CLNK: variants seen among roughly 807,000 people sequenced by gnomAD.
CLNK encodes the protein cytokine dependent hematopoietic cell linker, also known as cytokine-dependent hematopoietic cell linker.
In CLNK, 74 loss-of-function variants were observed where a neutral mutation model predicts 68.6. That is an observed-to-expected ratio of 1.08 (90% CI 0.89 to 1.31). The LOEUF (loss-of-function observed/expected upper bound fraction) is 1.31, where lower values mean the gene tolerates loss of function less well. Among genes scored for constraint, CLNK ranks in the 50% most tolerant of loss-of-function variants. CLNK has a pLI of 0.00. For missense variants in CLNK, 553 were observed against 515.3 expected (o/e 1.07, Z -0.71); for synonymous variants, 198 against 172.2 (o/e 1.15, Z -1.17).
At chr4:10,529,020 A>G (rs540064523) in intron 12 of CLNK, among the ~76,000 whole-genome samples, 33 of 152,322 alleles carry the variant, frequency 2.2e-4, no homozygotes, top group Admixed American at 6.5e-4. Context: ...TTGAAGAAGC[A>G]AAAAGCATTA....
At chr4:10,699,945 AT>A in the CLNK span, among the ~76,000 whole-genome samples, 1 of 151,514 alleles carries the variant, frequency 6.6e-6, no homozygotes, top group East Asian at 1.9e-4. Context: ...TTCCTCTAAT[AT>A]TTTTTAATCT....
At chr4:10,528,665 A>G in intron 12 of CLNK, among the ~76,000 whole-genome samples, 1 of 152,228 alleles carries the variant, frequency 6.6e-6, no homozygotes, top group Non-Finnish European at 1.5e-5. Context: ...AAAGTTTGGA[A>G]TAAAAACTGG....
the CLNK span, among the ~76,000 whole-genome samples, chr4:10,714,658 A>T: frequency 9.7e-3 from 1,472 of 151,254 alleles, 7 homozygotes; most frequent in East Asian, 0.058. Flanking sequence ...TTAATCTAAA[A>T]TATCTTAGAT....
intron 18 of CLNK, among the ~76,000 whole-genome samples, chr4:10,498,967 AC>A (rs1177985766): frequency 9.3e-4 from 126 of 135,624 alleles, no homozygotes; most frequent in African/African-American, 3.3e-3. Flanking sequence ...AATTCATTGT[AC>A]CCCCCCCCCC....
the CLNK span, among the ~76,000 whole-genome samples, chr4:10,712,515 C>T: frequency 6.6e-6 from 1 of 152,156 alleles, no homozygotes; most frequent in Non-Finnish European, 1.5e-5. Flanking sequence ...AATAACAGCC[C>T]TTTCCTGAAA....
chr4:10,599,122 T>C (rs1002280524), intron 2 of CLNK, among the ~76,000 whole-genome samples: 24 of 152,380 alleles, frequency 1.6e-4, no homozygotes, highest in South Asian at 1.2e-3. Flanking sequence ...AACTGGTAAC[T>C]TGTGTTCACA....
chr4:10,700,111 A>T, the CLNK span, among the ~76,000 whole-genome samples: 2 of 152,004 alleles, frequency 1.3e-5, no homozygotes, highest in East Asian at 3.9e-4. Context: ...GAAATCAGAG[A>T]AGAAACAGGT....
intron 2 of CLNK, among the ~76,000 whole-genome samples, chr4:10,665,313 C>T (rs1577206555): frequency 6.6e-6 from 1 of 152,160 alleles, no homozygotes; most frequent in South Asian, 2.1e-4. Context: ...TGAAAGTCCT[C>T]ATAAAAGGGG....
Position 10,660,156 on chromosome 4 carries a change from G to A in CLNK, c.11+7703C>T, listed in dbSNP as rs1724139525. On this transcript the variant is annotated intron_variant, in intron 2 of 18. Transcript: ENST00000226951. The stretch of plus-strand genomic sequence containing the variant: ...CTGGTTTAGTTCACAATATTTCCTA[G>A]GATGATTGTTTTTCCTTATTTCCAT... Among the ~76,000 whole-genome samples, 4 of 152,286 alleles carry A rather than the reference G, an allele frequency of 2.6e-5. 1 individual carries two copies. The South Asian group carries it at 8.3e-4, about 32-fold the overall frequency.
At chr4:10,699,477 TC>T in the CLNK span, among the ~76,000 whole-genome samples, 1 of 68,492 alleles carries the variant, frequency 1.5e-5, no homozygotes, top group Non-Finnish European at 2.7e-5. Flanking sequence ...TCTCTCTCTC[TC>T]TCTCTCTCTC....
At chr4:10,733,210 A>G in the CLNK span, among the ~76,000 whole-genome samples, 1 of 152,040 alleles carries the variant, frequency 6.6e-6, no homozygotes, top group Non-Finnish European at 1.5e-5. Context: ...TCATGGCAAG[A>G]GCCCTGATGC....
intron 1 of CLNK, among the ~76,000 whole-genome samples, chr4:10,681,795 C>T (rs1027471409): frequency 1.3e-5 from 2 of 152,218 alleles, no homozygotes; most frequent in Non-Finnish European, 2.9e-5. Context: ...GCTCGGGGCT[C>T]GGGTGGACCT....
chr4:10,592,350 C>G (rs992625981), intron 3 of CLNK, among the ~76,000 whole-genome samples: 3 of 152,112 alleles, frequency 2.0e-5, no homozygotes, highest in Non-Finnish European at 2.9e-5. Context: ...CTGCAGCAGA[C>G]AAGTAGAGTA....
intron 11 of CLNK, among the ~76,000 whole-genome samples, chr4:10,532,761 G>GA (rs1718599449): frequency 2.6e-5 from 4 of 152,208 alleles, no homozygotes; most frequent in African/African-American, 7.2e-5. Flanking sequence ...TGAGACAGGA[G>GA]AAAAACATAA....
chr4:10,684,823 C>G (rs185290451), upstream of CLNK: 5 of 152,284 alleles, frequency 3.3e-5, no homozygotes, highest in East Asian at 9.7e-4. Flanking sequence ...AGAAAACCTC[C>G]TGATAGGTCC....
chr4:10,581,802 A>T (rs1720794807), intron 4 of CLNK, among the ~76,000 whole-genome samples: 1 of 152,120 alleles, frequency 6.6e-6, no homozygotes, highest in Non-Finnish European at 1.5e-5. Context: ...AGAAATGCAA[A>T]TGAAATAATA....
intron 18 of CLNK, among the ~76,000 whole-genome samples, chr4:10,492,699 C>T (rs996227744): frequency 1.4e-4 from 21 of 152,182 alleles, no homozygotes; most frequent in Admixed American, 2.0e-4. Flanking sequence ...TCCTTCCCAC[C>T]GTCATGTGGG....
intron 1 of CLNK, among the ~76,000 whole-genome samples, chr4:10,676,074 T>C (rs935563280): frequency 7.1e-6 from 1 of 139,922 alleles, no homozygotes; most frequent in Non-Finnish European, 1.7e-5. Context: ...TGTGTGTGTG[T>C]GTGTCTATGT....
intron 14 of CLNK, among the ~76,000 whole-genome samples, chr4:10,523,506 G>A (rs1577105294): frequency 1.3e-5 from 2 of 152,146 alleles, no homozygotes; most frequent in African/African-American, 4.8e-5. Context: ...AACATTTGGA[G>A]GTCAGTTTGG....
Sources: allele counts gnomAD v4.1 joint callset (sites outside exome capture counted in the v4.1 genomes callset), GRCh38; gene constraint gnomAD v4.1.1; transcripts MANE v1.5; gene names NCBI Gene and HGNC (gene_info 2026-07-23, HGNC 2026-07-21).